AGBL4: variants seen among roughly 807,000 people sequenced by gnomAD.
AGBL4 encodes AGBL carboxypeptidase 4.
Under a neutral mutation model 66.4 loss-of-function variants are expected in AGBL4, and 58 were observed. The ratio of observed to expected loss-of-function variants is 0.87; its 90% CI spans 0.71 to 1.09. AGBL4 has a LOEUF of 1.09. Among genes scored for constraint, AGBL4 ranks in the 50% least tolerant of loss-of-function variants. The pLI is 0.00. For synonymous variants in AGBL4, 234 were observed against 222.9 expected (o/e 1.05, Z -0.44); for missense variants, 579 against 631.0 (o/e 0.92, Z 0.88).
At chr1:48,551,656 G>A (rs1569748560) in intron 11 of AGBL4, among the ~76,000 whole-genome samples, 2 of 152,116 alleles carry the variant, frequency 1.3e-5, no homozygotes, top group Admixed American at 1.3e-4. Flanking sequence ...GTAAAATTCT[G>A]TGTTTTCTGG....
intron 9 of AGBL4, among the ~76,000 whole-genome samples, chr1:48,619,837 A>G (rs757413547): frequency 6.6e-6 from 1 of 152,180 alleles, no homozygotes; most frequent in Non-Finnish European, 1.5e-5. Context: ...CAATCAGCGT[A>G]CAAACTCCGC....
intron 6 of AGBL4, among the ~76,000 whole-genome samples, chr1:48,677,700 C>T (rs2148475501): frequency 6.6e-6 from 1 of 152,196 alleles, no homozygotes; most frequent in African/African-American, 2.4e-5. Flanking sequence ...CTCACTTATC[C>T]AGAGCTTCCT....
intron 3 of AGBL4, among the ~76,000 whole-genome samples, chr1:49,534,236 GC>G (rs1396014108): frequency 1.4e-5 from 2 of 138,324 alleles, no homozygotes; most frequent in African/African-American, 5.4e-5. Context: ...AAGTCAAAAT[GC>G]ATGCCACAAT....
intron 3 of AGBL4, among the ~76,000 whole-genome samples, chr1:49,567,634 G>T (rs765757696): frequency 6.6e-6 from 1 of 152,098 alleles, no homozygotes; most frequent in Non-Finnish European, 1.5e-5. Flanking sequence ...AGGGAAACAT[G>T]TGCCATGGTA....
intron 3 of AGBL4, among the ~76,000 whole-genome samples, chr1:49,585,120 A>T (rs1214077056): frequency 1.3e-5 from 2 of 152,204 alleles, no homozygotes; most frequent in Admixed American, 1.3e-4. Flanking sequence ...AGTTAGAGTT[A>T]ATTATTTTCA....
At chr1:49,781,120 T>C (rs1417015676) in intron 2 of AGBL4, among the ~76,000 whole-genome samples, 1 of 152,136 alleles carries the variant, frequency 6.6e-6, no homozygotes, top group African/African-American at 2.4e-5. Context: ...CCAAGAGTGA[T>C]GGCGCACACC....
Position 49,756,725 on chromosome 1 carries a change from C to A in AGBL4, c.158-59288G>T, listed in dbSNP as rs1018277557. Among the ~76,000 whole-genome samples, 5 of 152,196 alleles carry A rather than the reference C, an allele frequency of 3.3e-5. No homozygotes were observed. The South Asian group carries it at 6.2e-4, about 19-fold the overall frequency. ...CAAAATCTGATGGTTTTATAAGGGG[C>A]TTTTCTCTCTTTGCTTGGCACTTCT... On this transcript the variant is annotated intron_variant, in intron 2 of 13. Transcript: ENST00000371839.
In AGBL4 at chr1:48,900,723, T is replaced by G. The variant is rs561945500; in HGVS notation, c.595-33493A>C. Among the ~76,000 whole-genome samples, 6 of 152,336 alleles carry G rather than the reference T, an allele frequency of 3.9e-5. No individual in the cohort carries two copies. In the South Asian group the frequency reaches 1.2e-3, roughly 32 times the overall value. On this transcript the variant is annotated intron_variant, in intron 5 of 13. Transcript: ENST00000371839. ...TTTGATCCATACCTCACACCACATA[T>G]GTAAATTCATTCAAAATGGCACATA...
At chr1:49,357,787 C>G (rs900997054) in intron 3 of AGBL4, among the ~76,000 whole-genome samples, 1 of 152,186 alleles carries the variant, frequency 6.6e-6, no homozygotes, top group African/African-American at 2.4e-5. Flanking sequence ...AGAAACAGTA[C>G]TTGGCACTCA....
chr1:48,552,624 C>T (rs920834308), intron 11 of AGBL4, among the ~76,000 whole-genome samples: 1 of 152,182 alleles, frequency 6.6e-6, no homozygotes, highest in Non-Finnish European at 1.5e-5. Flanking sequence ...ATGTCAGCAG[C>T]ACCCACCTCA....
At chr1:49,576,833 G>A (rs1054702083) in intron 3 of AGBL4, among the ~76,000 whole-genome samples, 7 of 152,148 alleles carry the variant, frequency 4.6e-5, no homozygotes, top group Non-Finnish European at 8.8e-5. Flanking sequence ...ACTAGGGCCT[G>A]GTTCTCAGGT....
At chr1:49,892,141 C>G (rs1224944889) in intron 1 of AGBL4, among the ~76,000 whole-genome samples, 1 of 152,176 alleles carries the variant, frequency 6.6e-6, no homozygotes, top group East Asian at 1.9e-4. Context: ...TCACCAGAAG[C>G]ACCAACAAAT....
chr1:49,110,515 C>T (rs1263757423), intron 4 of AGBL4, among the ~76,000 whole-genome samples: 1 of 152,158 alleles, frequency 6.6e-6, no homozygotes, highest in Non-Finnish European at 1.5e-5. Context: ...TTCCCTCAGC[C>T]AAAGTTAGAA....
chr1:49,084,433 G>T (rs185800331), intron 4 of AGBL4, among the ~76,000 whole-genome samples: 1 of 152,286 alleles, frequency 6.6e-6, no homozygotes, highest in African/African-American at 2.4e-5. Context: ...CATGGCAGAG[G>T]GTGAAGGAGG....
At chr1:49,944,263 A>G (rs530501841) in intron 1 of AGBL4, among the ~76,000 whole-genome samples, 1 of 152,162 alleles carries the variant, frequency 6.6e-6, no homozygotes, top group Admixed American at 6.6e-5. Context: ...ATAGTACATT[A>G]AACAACCAAA....
chr1:48,849,640 G>A (rs1014956342), intron 6 of AGBL4, among the ~76,000 whole-genome samples: 5 of 152,260 alleles, frequency 3.3e-5, no homozygotes, highest in Admixed American at 3.3e-4. Flanking sequence ...AATCATACTA[G>A]TCACCCTTTT....
At chr1:49,002,680 G>T (rs1661482597) in intron 5 of AGBL4, among the ~76,000 whole-genome samples, 1 of 152,156 alleles carries the variant, frequency 6.6e-6, no homozygotes, top group Non-Finnish European at 1.5e-5. Flanking sequence ...TTAAAGTGCA[G>T]TCTTCCTTAA....
intron 3 of AGBL4, among the ~76,000 whole-genome samples, chr1:49,448,088 T>C (rs573245989): frequency 7.2e-5 from 11 of 152,276 alleles, no homozygotes; most frequent in African/African-American, 2.4e-4. Flanking sequence ...GAGACCATCA[T>C]GGAGGCCAGT....
chr1:49,535,690 G>GT (rs1019953483), intron 3 of AGBL4, among the ~76,000 whole-genome samples: 6 of 151,676 alleles, frequency 4.0e-5, no homozygotes, highest in Admixed American at 2.0e-4. Flanking sequence ...TTTTCGTTTG[G>GT]TTTTTTTTGT....
Sources: allele counts gnomAD v4.1 joint callset (sites outside exome capture counted in the v4.1 genomes callset), GRCh38; gene constraint gnomAD v4.1.1; transcripts MANE v1.5; gene names NCBI Gene and HGNC (gene_info 2026-07-23, HGNC 2026-07-21).